FARS2: variants seen among roughly 807,000 people sequenced by gnomAD.
FARS2 encodes phenylalanine--tRNA ligase, mitochondrial.
A neutral mutation model predicts 46.4 loss-of-function variants in FARS2; 40 were observed. The ratio of observed to expected loss-of-function variants is 0.86; its 90% CI spans 0.67 to 1.12. The LOEUF (loss-of-function observed/expected upper bound fraction) is 1.12, where lower values mean the gene tolerates loss of function less well. Ranked by LOEUF, FARS2 falls within the 50% of genes most tolerant of loss-of-function variation. FARS2 has a pLI of 0.00. For missense variants in FARS2, 513 were observed against 567.9 expected (o/e 0.90, Z 0.98); for synonymous variants, 234 against 214.9 (o/e 1.09, Z -0.78).
chr6:5,501,476 TTTTTA>T (rs1272333496), intron 4 of FARS2, among the ~76,000 whole-genome samples: 1 of 152,024 alleles, frequency 6.6e-6, no homozygotes, highest in Non-Finnish European at 1.5e-5. Flanking sequence ...GGTTCTCATT[TTTTTA>T]TTTTATTTTA....
chr6:5,301,374 C>T (rs902780476), intron 1 of FARS2, among the ~76,000 whole-genome samples: 5 of 152,038 alleles, frequency 3.3e-5, no homozygotes, highest in Non-Finnish European at 7.4e-5. Context: ...TCCTTTGAGC[C>T]TAGGAGTTTG....
intron 4 of FARS2, among the ~76,000 whole-genome samples, chr6:5,498,834 C>T (rs1182823773): frequency 6.6e-6 from 1 of 152,206 alleles, no homozygotes; most frequent in African/African-American, 2.4e-5. Flanking sequence ...GGAAAACCTA[C>T]AACATAAATT....
chr6:5,350,760 A>G (rs886251292), intron 1 of FARS2, among the ~76,000 whole-genome samples: 2 of 152,168 alleles, frequency 1.3e-5, no homozygotes, highest in Non-Finnish European at 2.9e-5. Flanking sequence ...GTGTTGCCAG[A>G]TGTTATCATG....
At chr6:5,712,681 G>T in intron 6 of FARS2, among the ~76,000 whole-genome samples, 1 of 152,250 alleles carries the variant, frequency 6.6e-6, no homozygotes, top group East Asian at 1.9e-4. Context: ...AAAGCCTGCA[G>T]CCTTTCTGCT....
At position 5,560,316 on chromosome 6, in the gene FARS2, C is replaced by T. The variant is rs147905450; in HGVS notation, c.1065+14976C>T. ...ATTTATTAAATCTGTCTATATATTT[C>T]GAGATGATCTTATGATTTCTGGCTT... is the stretch of plus-strand genomic sequence containing the variant. On this transcript the variant is annotated intron_variant, in intron 5 of 6. Transcript: ENST00000274680. Among the ~76,000 whole-genome samples, 93 of 152,178 alleles carry T rather than the reference C, an allele frequency of 6.1e-4. 1 individual carries two copies. The highest frequency in any genetic ancestry group is 2.0e-3 in the African/African-American group (83 of 41,482).
chr6:5,613,796 G>A (rs1434407458), intron 6 of FARS2, among the ~76,000 whole-genome samples: 1 of 152,190 alleles, frequency 6.6e-6, no homozygotes, highest in Non-Finnish European at 1.5e-5. Flanking sequence ...AGTCTTGTGA[G>A]AGAGGCAGAC....
At chr6:5,347,767 A>G (rs1176056134) in intron 1 of FARS2, among the ~76,000 whole-genome samples, 1 of 152,230 alleles carries the variant, frequency 6.6e-6, no homozygotes, top group Non-Finnish European at 1.5e-5. Context: ...AACGTCACCA[A>G]CAAATCAGAG....
chr6:5,395,329 G>A (rs1055731516), intron 2 of FARS2, among the ~76,000 whole-genome samples: 1 of 152,166 alleles, frequency 6.6e-6, no homozygotes, highest in Non-Finnish European at 1.5e-5. Flanking sequence ...GGGACTACAG[G>A]TGTGAGCCAC....
rs899003540 is a variant in FARS2 at position 5,542,570 on chromosome 6, C to G, written c.905-2610C>G. ...CTTTAGCAACATCTTTGGCCTCTAC[C>G]CACTAGATGTCAGGATGCTCCCCAC... On this transcript the variant is annotated intron_variant, in intron 4 of 6. Coordinates refer to ENST00000274680, the MANE Select transcript of FARS2 (RefSeq NM_006567.5). Among the ~76,000 whole-genome samples, 11 of 152,222 alleles carry G rather than the reference C, an allele frequency of 7.2e-5. No homozygotes were observed. The South Asian group carries it at 1.2e-3, about 17-fold the overall frequency.
the FARS2 span, among the ~76,000 whole-genome samples, chr6:5,254,772 C>T: frequency 1.3e-5 from 2 of 152,106 alleles, no homozygotes; most frequent in Non-Finnish European, 2.9e-5. Context: ...AATGAAATAC[C>T]GTTCATTCTG....
At chr6:5,537,140 AC>A (rs1561694376) in intron 4 of FARS2, among the ~76,000 whole-genome samples, 1 of 151,942 alleles carries the variant, frequency 6.6e-6, no homozygotes, top group Non-Finnish European at 1.5e-5. Context: ...TTGCATATAG[AC>A]CCCAGTTTCA....
chr6:5,610,305 T>A, intron 5 of FARS2: 1 of 392,336 alleles, frequency 2.5e-6, no homozygotes, highest in Admixed American at 4.2e-5. Flanking sequence ...CCTTTTCAAT[T>A]CTTTTTAAAA....
chr6:5,581,337 GGTCGGCCATC>G (rs1478614237), intron 5 of FARS2, among the ~76,000 whole-genome samples: 1 of 152,130 alleles, frequency 6.6e-6, no homozygotes, highest in Non-Finnish European at 1.5e-5. Flanking sequence ...GAGAAATGAG[GGTCGGCCATC>G]GTGGGCAGGA....
intron 1 of FARS2, among the ~76,000 whole-genome samples, chr6:5,294,340 G>A (rs1767707256): frequency 6.6e-6 from 1 of 152,114 alleles, no homozygotes; most frequent in Non-Finnish European, 1.5e-5. Flanking sequence ...TGTATGTGGT[G>A]GTGTGTAGGG....
intron 4 of FARS2, among the ~76,000 whole-genome samples, chr6:5,459,350 A>G (rs560824856): frequency 6.6e-6 from 1 of 150,928 alleles, no homozygotes; most frequent in Non-Finnish European, 1.5e-5. Context: ...TTTTTTCCAG[A>G]TCTTTTATCT....
chr6:5,450,682 G>A (rs570069477), intron 4 of FARS2, among the ~76,000 whole-genome samples: 1,536 of 72,018 alleles, frequency 0.021, 5 homozygotes, highest in Non-Finnish European at 0.03. Context: ...CAGACTTGGC[G>A]TGTGGGAGGT....
chr6:5,610,276 G>A (rs1027566293), intron 5 of FARS2: 9 of 430,576 alleles, frequency 2.1e-5, no homozygotes, highest in South Asian at 1.2e-4. Flanking sequence ...CTGACGAATC[G>A]TATCTGTAGT....
intron 2 of FARS2, among the ~76,000 whole-genome samples, chr6:5,385,702 G>A (rs1343472920): frequency 6.6e-6 from 1 of 152,166 alleles, no homozygotes; most frequent in African/African-American, 2.4e-5. Flanking sequence ...GGGATTACAG[G>A]TGTGAGCCAC....
At chr6:5,362,152 A>G (rs889089693) in intron 1 of FARS2, among the ~76,000 whole-genome samples, 2 of 152,186 alleles carry the variant, frequency 1.3e-5, no homozygotes, top group Non-Finnish European at 2.9e-5. Flanking sequence ...CACCATGCCC[A>G]CTGTTTGGAC....
Sources: allele counts gnomAD v4.1 joint callset (sites outside exome capture counted in the v4.1 genomes callset), GRCh38; gene constraint gnomAD v4.1.1; transcripts MANE v1.5; gene names NCBI Gene and HGNC (gene_info 2026-07-23, HGNC 2026-07-21).